Variants in RPS9 observed in about 807,000 individuals in gnomAD.
RPS9 encodes the protein ribosomal protein S9, also known as small ribosomal subunit protein uS4.
A neutral mutation model predicts 16.9 loss-of-function variants in RPS9; 1 was observed. The observed-to-expected ratio is 0.06, with a 90% confidence interval of 0.02 to 0.28. RPS9 has a LOEUF of 0.28. RPS9 is among the 10% of genes least tolerant of loss of function. The pLI is 1.00. For synonymous variants in RPS9, 106 were observed against 110.9 expected, an observed-to-expected ratio of 0.96 and a Z score of 0.28; for missense variants, 137 against 273.2, an observed-to-expected ratio of 0.50 and a Z score of 3.51.
chr19:54,202,632 T>A lies in RPS9; in HGVS notation c.220+1023T>A, dbSNP rs181050629. 132 of 985,376 alleles carry A rather than the reference T, an allele frequency of 1.3e-4. 1 individual carries two copies. The highest frequency in any genetic ancestry group is 4.7e-5 in the South Asian group (1 of 21,278). 61.0% of individuals were successfully genotyped at this position (985,376 alleles called of 1,614,324 possible). On this transcript the variant is annotated intron_variant, in intron 3 of 4. Coordinates refer to ENST00000302907, the MANE Select transcript of RPS9 (RefSeq NM_001013.4). ...TAAAATCTACTCTGAGATGCGGTGT[T>A]ATTGGAGTGCTTTCTACAGCAGATT...
chr19:54,207,250 C>A, intron 4 of RPS9, 148 bp from the exon 5 acceptor site: 1 of 642,336 alleles, frequency 1.6e-6, no homozygotes. Flanking sequence ...GGAGGGCGCA[C>A]GTAGGATCAG....
chr19:54,200,973 A>G, intron 1 of RPS9, 85 bp downstream of exon 1: 1 of 1,427,398 alleles, frequency 7.0e-7, no homozygotes, highest in Non-Finnish European at 9.1e-7. Context: ...TAAGCTAAAG[A>G]CGTTAGGAAA....
At chr19:54,205,902 C>T (rs562378425) in intron 3 of RPS9, among the ~76,000 whole-genome samples, 11 of 152,270 alleles carry the variant, frequency 7.2e-5, no homozygotes, top group Non-Finnish European at 8.8e-5. Flanking sequence ...CTGCAACCTC[C>T]GCCTCCTGGG....
chr19:54,206,518 C>T (rs1322074539), intron 4 of RPS9, 56 bp downstream of exon 4: 1 of 1,602,882 alleles, frequency 6.2e-7, no homozygotes, highest in South Asian at 1.1e-5. Flanking sequence ...TGATGGTTGC[C>T]CTCACTAAGC....
At chr19:54,206,886 T>C (rs533369098) in intron 4 of RPS9, 4 of 607,808 alleles carry the variant, frequency 6.6e-6, no homozygotes, top group Non-Finnish European at 1.1e-5. Context: ...TGTGGCACCA[T>C]TGAGGGGGAG....
intron 3 of RPS9, chr19:54,203,233 C>T (rs563585265): frequency 2.0e-6 from 2 of 980,922 alleles, no homozygotes; most frequent in South Asian, 9.4e-5. Flanking sequence ...TGTGGTTTTC[C>T]AAGGCAGAAG....
intron 3 of RPS9, among the ~76,000 whole-genome samples, chr19:54,205,032 C>T (rs2077192284): frequency 6.6e-6 from 1 of 152,138 alleles, no homozygotes; most frequent in Admixed American, 6.6e-5. Context: ...GTAACAGTGC[C>T]AGGAATATCA....
chr19:54,203,356 G>A (rs1358610995), intron 3 of RPS9: 6 of 966,956 alleles, frequency 6.2e-6, no homozygotes, highest in Non-Finnish European at 6.1e-6. Flanking sequence ...GCTCTTTGGT[G>A]TAATCCTGCC....
At chr19:54,201,653 G>C in intron 3 of RPS9, 44 bp downstream of exon 3, 1 of 1,610,140 alleles carries the variant, frequency 6.2e-7, no homozygotes, top group Non-Finnish European at 8.5e-7. Flanking sequence ...TGCAGGGCTT[G>C]TGAGGTTCAT....
At chr19:54,203,663 C>G (rs1034717951) in intron 3 of RPS9, among the ~76,000 whole-genome samples, 1 of 152,036 alleles carries the variant, frequency 6.6e-6, no homozygotes, top group Non-Finnish European at 1.5e-5. Context: ...CCCAGCTACT[C>G]GGGAGGCTGA....
chr19:54,201,045 G>T, intron 1 of RPS9, 115 bp from the exon 2 acceptor site: 1 of 1,492,834 alleles, frequency 6.7e-7, no homozygotes. Flanking sequence ...GACTATGAGA[G>T]CGTTGGAGGT....
chr19:54,205,972 C>G (rs547529884), intron 3 of RPS9, among the ~76,000 whole-genome samples: 1 of 152,168 alleles, frequency 6.6e-6, no homozygotes, highest in African/African-American at 2.4e-5. Context: ...AGTGCGCCAA[C>G]GGCCTGGCTA....
At chr19:54,202,423 A>G (rs1337443356) in intron 3 of RPS9, 1 of 985,066 alleles carries the variant, frequency 1.0e-6, no homozygotes, top group Non-Finnish European at 1.2e-6. Flanking sequence ...TAAGCTGGTC[A>G]AGGACATTTA....
chr19:54,206,534 G>A (rs1356782333), intron 4 of RPS9, 72 bp downstream of exon 4: 4 of 1,593,334 alleles, frequency 2.5e-6, no homozygotes, highest in East Asian at 2.3e-5. Context: ...TAAGCCTGCT[G>A]TCCCTATCTC....
chr19:54,206,360 T>C lies in RPS9; in HGVS notation c.305T>C (p.Ile102Thr), dbSNP rs1269588876. ...CTGGATTACATCCTGGGCCTGAAGATAGAGGATTTCTTAGAGAGACGCCTG... is the reference window on the plus strand; with the variant it reads ...CTGGATTACATCCTGGGCCTGAAGACAGAGGATTTCTTAGAGAGACGCCTG... The part of the protein sequence containing the change: ...MKLDYILGLK[I>T]EDFLERRLQT... The change falls in exon 4 of 5, where the codon ATA becomes ACA. Residue 102 changes from isoleucine to threonine, a missense_variant. This residue lies in a region of RPS9 where 64 missense variants were observed against 164.0 expected (regional missense o/e 0.39). Transcript: ENST00000302907. 1 of 1,614,166 alleles carries C rather than the reference T, an allele frequency of 6.2e-7. No individual in the cohort carries two copies. The highest frequency in any genetic ancestry group is 8.5e-7 in the Non-Finnish European group (1 of 1,180,022).
chr19:54,201,068 A>G (rs1042470767), intron 1 of RPS9, 92 bp from the exon 2 acceptor site: 1 of 1,525,808 alleles, frequency 6.6e-7, no homozygotes, highest in African/African-American at 1.4e-5. Flanking sequence ...TTCTCGCGAG[A>G]TCGGATCTGG....
chr19:54,206,159 T>A, intron 3 of RPS9, 117 bp from the exon 4 acceptor site: 1 of 972,810 alleles, frequency 1.0e-6, no homozygotes, highest in East Asian at 2.6e-5. Flanking sequence ...GTGATGGCGC[T>A]GTACTACTTG....
At chr19:54,207,055 G>A (rs1290769971) in intron 4 of RPS9, 5 of 451,778 alleles carry the variant, frequency 1.1e-5, no homozygotes, top group Non-Finnish European at 1.6e-5. Context: ...GCTGCACGTG[G>A]TAATACAGCT....
In RPS9 at chr19:54,202,369, G is replaced by C. The variant is rs549521210; in HGVS notation, c.220+760G>C. 2.6e-5 allele frequency: 24 copies of C among 924,136 alleles called. No homozygotes were observed. In the South Asian group the frequency reaches 1.2e-3, roughly 46 times the overall value. 57.2% of individuals were successfully genotyped at this position (924,136 alleles called of 1,614,324 possible). On this transcript the variant is annotated intron_variant, in intron 3 of 4. Transcript: ENST00000302907. ...CCTGGCTAATTTTCTATTATTAGTGGAGATGGGTTTTCACCATGTTGTCCA... is the reference window on the plus strand; with the variant it reads ...CCTGGCTAATTTTCTATTATTAGTGCAGATGGGTTTTCACCATGTTGTCCA...
Sources: allele counts gnomAD v4.1 joint callset (sites outside exome capture counted in the v4.1 genomes callset), GRCh38; gene constraint gnomAD v4.1.1; regional missense constraint gnomAD v4.1.1; transcripts MANE v1.5; gene names NCBI Gene and HGNC (gene_info 2026-07-23, HGNC 2026-07-21).